Variants in SLC9A1 observed in about 807,000 individuals in gnomAD.
SLC9A1 encodes the protein sodium/hydrogen exchanger 1.
In SLC9A1, 22 loss-of-function variants were observed where a neutral mutation model predicts 67.9. The observed-to-expected ratio is 0.32, with a 90% CI of 0.23 to 0.46. The LOEUF (loss-of-function observed/expected upper bound fraction) is 0.46, where lower values mean the gene tolerates loss of function less well. Ranked by LOEUF, SLC9A1 falls within the 20% of genes least tolerant of loss-of-function variation. SLC9A1 has a pLI of 1.00. For missense variants in SLC9A1, 686 were observed against 1,094.8 expected (o/e 0.63, Z 5.27); for synonymous variants, 421 against 471.8 (o/e 0.89, Z 1.40).
rs149856753 is a variant in SLC9A1 at position 27,100,394 on chromosome 1, G to A, written c.2361C>T (p.Ser787=). The A allele has an allele frequency of 2.0e-5, 32 of 1,599,636 alleles. No individual in the cohort carries two copies. In the East Asian group the frequency reaches 5.8e-4, roughly 29 times the overall value. The change falls in exon 12 of 12, where the codon AGC becomes AGT. Residue 787 remains serine, a synonymous_variant. Transcript: ENST00000263980. This position sits in a 1 kb window ranked among gnomAD's most constrained non-coding sequence, Gnocchi z 5.6. ...VFTPAPSDSP[S]SQRIQRCLSD... The stretch of plus-strand genomic sequence containing the variant: ...TGAGGCAGCGCTGTATCCTCTGGGA[G>A]CTGGGGCTGTCACTGGGCGCGGGGG...
chr1:27,099,242 G>A lies in SLC9A1; in HGVS notation c.*1065C>T, dbSNP rs2083121129. ...AAAGGTTCCAGGGGCCAAACCCAGG[G>A]TGGGGGAAGTAAGAGCAGGCCAGCA... is the stretch of plus-strand genomic sequence containing the variant. On this transcript the variant is annotated 3_prime_UTR_variant, in exon 12 of 12. Transcript: ENST00000263980. The A allele has an allele frequency of 6.5e-6, 1 of 153,260 alleles. No homozygotes were observed. The allele number at this position is 153,260 out of a possible 1,614,324, so 9.5% of individuals were successfully genotyped here.
At chr1:27,117,440 G>A (rs569726474) in intron 1 of SLC9A1, among the ~76,000 whole-genome samples, 2 of 152,222 alleles carry the variant, frequency 1.3e-5, no homozygotes, top group East Asian at 1.9e-4. Context: ...CTAAGGGGTC[G>A]GGCTCTAAAA....
intron 2 of SLC9A1, among the ~76,000 whole-genome samples, chr1:27,112,792 G>A (rs2083236842): frequency 6.6e-6 from 1 of 151,340 alleles, no homozygotes; most frequent in South Asian, 2.1e-4. Context: ...GCTGAGGCAG[G>A]AGAATTGCTT....
In SLC9A1 at chr1:27,137,024, G is replaced by C. The variant is rs2083424689; in HGVS notation, c.352+16959C>G. Among the ~76,000 whole-genome samples, 1 of 152,252 alleles carries C rather than the reference G, an allele frequency of 6.6e-6. No individual in the cohort carries two copies. Among genetic ancestry groups the C allele is most frequent in the Non-Finnish European group, 1.5e-5 (1 of 68,044 alleles). On this transcript the variant is annotated intron_variant, in intron 1 of 11. Coordinates refer to ENST00000263980, the MANE Select transcript of SLC9A1 (RefSeq NM_003047.5). The surrounding 1 kb of genome is among the most constrained non-coding windows in gnomAD (Gnocchi z 4.6). ...CATTCCATTGTAAGTGGTAGTGCCAGATGGAGCCCCATCTGCCCCCAGGGC... is the reference window on the plus strand; with the variant it reads ...CATTCCATTGTAAGTGGTAGTGCCACATGGAGCCCCATCTGCCCCCAGGGC...
chr1:27,133,879 C>T (rs916818096), intron 1 of SLC9A1, among the ~76,000 whole-genome samples: 5 of 151,784 alleles, frequency 3.3e-5, no homozygotes, highest in South Asian at 4.2e-4. Context: ...ATTCTCCTGC[C>T]GCAGCCTCCC....
chr1:27,101,241 A>G lies in SLC9A1; in HGVS notation c.2072T>C (p.Leu691Pro). ...NNYLTVPAHKLDSPTMSRARI... is the reference protein window; with the variant it reads ...NNYLTVPAHKPDSPTMSRARI... ...GGCCCGAGACATGGTGGGTGAGTCCAGCTTGTGGGCTGGCACCGTCAGGTA... is the reference window on the plus strand; with the variant it reads ...GGCCCGAGACATGGTGGGTGAGTCCGGCTTGTGGGCTGGCACCGTCAGGTA... The change falls in exon 11 of 12, where the codon CTG becomes CCG. Residue 691 changes from leucine to proline, a missense_variant. Around this residue, in one of 7 missense-constraint regions of SLC9A1, gnomAD observed 226 missense variants for 282.4 expected, o/e 0.80. Transcript: ENST00000263980. The surrounding 1 kb of genome is among the most constrained non-coding windows in gnomAD (Gnocchi z 4.9). 1 of 1,612,226 alleles carries G rather than the reference A, an allele frequency of 6.2e-7. No individual in the cohort carries two copies. The highest frequency in any genetic ancestry group is 8.5e-7 in the Non-Finnish European group (1 of 1,179,956).
In SLC9A1 at chr1:27,098,965, G is replaced by A. The variant is rs1323947497; in HGVS notation, c.*1342C>T. ...GCCCAAACAGCACTTGCATGGAGAG[G>A]AGGATGGACAGATGGGCCGAGGACC... On this transcript the variant is annotated 3_prime_UTR_variant, in exon 12 of 12. Transcript: ENST00000263980. The A allele has an allele frequency of 6.5e-6, 1 of 152,694 alleles. No individual in the cohort carries two copies. The highest frequency in any genetic ancestry group is 2.4e-5 in the African/African-American group (1 of 41,470). The allele number at this position is 152,694 out of a possible 1,614,324, so 9.5% of individuals were successfully genotyped here.
chr1:27,109,733 C>T lies in SLC9A1; in HGVS notation c.858G>A (p.Val286=), dbSNP rs2083214942. ...LFEEFANYEH[V]GIVDIFLGFL... ...AGCCGAGGAAGATGTCCACGATGCC[C>T]ACGTGTTCGTAGTTGGCAAACTCCT... The change falls in exon 3 of 12, where the codon GTG becomes GTA. Residue 286 remains valine (V), a synonymous_variant. Transcript: ENST00000263980. The surrounding 1 kb of genome is among the most constrained non-coding windows in gnomAD (Gnocchi z 5.5). 6.2e-7 allele frequency: 1 copy of T among 1,613,954 alleles called. No homozygotes were observed. The highest frequency in any genetic ancestry group is 1.1e-5 in the South Asian group (1 of 91,090).
At position 27,109,505 on chromosome 1, in the gene SLC9A1, T is replaced by C. The variant is rs1378614719; in HGVS notation, c.1064+22A>G. 9.4e-6 allele frequency: 12 copies of C among 1,283,102 alleles called. No homozygotes were observed. Among genetic ancestry groups the C allele is most frequent in the East Asian group, 3.7e-5 (1 of 26,700 alleles). 79.5% of individuals were successfully genotyped at this position (1,283,102 alleles called of 1,614,324 possible). On this transcript the variant is annotated intron_variant, in intron 3 of 11. Transcript: ENST00000263980. This position sits in a 1 kb window ranked among gnomAD's most constrained non-coding sequence, Gnocchi z 5.5. The stretch of plus-strand genomic sequence containing the variant: ...CCCGCCCCCACCCCGCCAAGCCCAC[T>C]GCCTGCTGCACGCAGACTCACGCCA...
At chr1:27,103,645 C>A (rs573481415) in intron 5 of SLC9A1, 26 of 347,206 alleles carry the variant, frequency 7.5e-5, no homozygotes, top group African/African-American at 5.1e-4. Context: ...AGTCAGGCCC[C>A]ACACACAGGG....
At chr1:27,151,029 C>G (rs1353902865) in intron 1 of SLC9A1, among the ~76,000 whole-genome samples, 1 of 152,184 alleles carries the variant, frequency 6.6e-6, no homozygotes, top group African/African-American at 2.4e-5. Context: ...CCTCAGCCCC[C>G]CACCCTTATC....
chr1:27,149,456 C>A (rs923954490), intron 1 of SLC9A1, among the ~76,000 whole-genome samples: 5 of 152,172 alleles, frequency 3.3e-5, no homozygotes, highest in African/African-American at 1.2e-4. Flanking sequence ...TACTAAGTGG[C>A]AACTATTATT....
At chr1:27,152,694 G>A (rs1025313903) in intron 1 of SLC9A1, among the ~76,000 whole-genome samples, 1 of 152,146 alleles carries the variant, frequency 6.6e-6, no homozygotes, top group African/African-American at 2.4e-5. Context: ...GTAAGGCTCT[G>A]CTACTGTGAC....
rs2083216126 is a variant in SLC9A1, at chr1:27,109,848, A to C, written c.814-71T>G. The stretch of plus-strand genomic sequence containing the variant: ...CCCCACGGTTCCCTGGGGTCCACCC[A>C]GGGCAATCCTGTCCCCTCCGTTAAC... On this transcript the variant is annotated intron_variant, in intron 2 of 11. Transcript: ENST00000263980. This position sits in a 1 kb window ranked among gnomAD's most constrained non-coding sequence, Gnocchi z 5.5. 3 of 1,563,458 alleles carry C rather than the reference A, an allele frequency of 1.9e-6. No homozygotes were observed. The highest frequency in any genetic ancestry group is 2.6e-6 in the Non-Finnish European group (3 of 1,143,074).
chr1:27,113,331 A>C (rs1018244306), intron 2 of SLC9A1, among the ~76,000 whole-genome samples: 2 of 152,144 alleles, frequency 1.3e-5, no homozygotes, highest in African/African-American at 4.8e-5. Flanking sequence ...GTGGTGGTGC[A>C]TGCCTGTAGT....
At chr1:27,128,631 T>C (rs1190211404) in intron 1 of SLC9A1, among the ~76,000 whole-genome samples, 2 of 133,252 alleles carry the variant, frequency 1.5e-5, no homozygotes, top group African/African-American at 2.9e-5. Flanking sequence ...CACTCTATCC[T>C]GGGCAACAGG....
chr1:27,105,549 A>C, intron 5 of SLC9A1: 1 of 615,982 alleles, frequency 1.6e-6, no homozygotes, highest in Non-Finnish European at 3.0e-6. Flanking sequence ...CCACCCCCTC[A>C]GCCTCCCAAA....
At position 27,102,071 on chromosome 1, in the gene SLC9A1, T is replaced by C; in HGVS notation, c.1880A>G (p.Lys627Arg). 2 of 1,614,086 alleles carry C rather than the reference T, an allele frequency of 1.2e-6. No individual in the cohort carries two copies. Among genetic ancestry groups the C allele is most frequent in the Non-Finnish European group, 1.7e-6 (2 of 1,179,996 alleles). ...CAGGATTTTGCGGATCTCCTCCTCCTTGTCCTTGGACAGTGCTGGCAGGAT... is the reference window on the plus strand; with the variant it reads ...CAGGATTTTGCGGATCTCCTCCTCCCTGTCCTTGGACAGTGCTGGCAGGAT... ...ERILPALSKD[K>R]EEEIRKILRN... Residue 627 changes from lysine to arginine, a missense_variant, in exon 9 of 12, where the codon AAG (lysine) becomes AGG (arginine). Transcript: ENST00000263980.
At chr1:27,104,664 T>A (rs760759872) in intron 5 of SLC9A1, among the ~76,000 whole-genome samples, 1 of 152,048 alleles carries the variant, frequency 6.6e-6, no homozygotes, top group Non-Finnish European at 1.5e-5. Context: ...CCTGGGATCA[T>A]AGGCGTGAGC....
Sources: gnomAD v4.1 joint callset for allele counts (sites outside exome capture counted in the v4.1 genomes callset) on GRCh38, gnomAD v4.1.1 for gene constraint, gnomAD v4.1.1 regional missense constraint, Gnocchi (gnomAD v3.1) non-coding constraint, MANE v1.5 for transcripts, NCBI Gene and HGNC (gene_info 2026-07-23, HGNC 2026-07-21) for gene names.